The following TBL1XR1 variants were observed in gnomAD, a reference collection of about 807,000 sequenced individuals.
TBL1XR1 encodes the protein TBL1X/Y related 1.
Under a neutral mutation model 66.9 loss-of-function variants are expected in TBL1XR1, and 5 were observed. The ratio of observed to expected loss-of-function variants is 0.07; its 90% CI spans 0.04 to 0.16. TBL1XR1 has a LOEUF of 0.16. Ranked by LOEUF, TBL1XR1 falls within the 10% of genes least tolerant of loss-of-function variation. The pLI, the probability that TBL1XR1 is intolerant of heterozygous loss-of-function variation, is 1.00. For missense variants in TBL1XR1, 238 were observed against 623.2 expected (o/e 0.38, Z 6.58); for synonymous variants, 210 against 206.0 (o/e 1.02, Z -0.17).
At chr3:177,106,540 C>T (rs1175676369) in intron 1 of TBL1XR1, among the ~76,000 whole-genome samples, 7 of 152,198 alleles carry the variant, frequency 4.6e-5, no homozygotes, top group African/African-American at 1.7e-4. Context: ...TGGAGCCACA[C>T]AGGTGGGTTT....
chr3:177,186,554 T>C (rs546935945), intron 1 of TBL1XR1, among the ~76,000 whole-genome samples: 3 of 152,260 alleles, frequency 2.0e-5, no homozygotes, highest in Admixed American at 6.5e-5. Context: ...TCTTCCCAAT[T>C]AGCCTGTTGA....
intron 2 of TBL1XR1, among the ~76,000 whole-genome samples, chr3:177,090,323 T>C (rs1722664727): frequency 6.6e-6 from 1 of 152,094 alleles, no homozygotes; most frequent in Non-Finnish European, 1.5e-5. Context: ...ATGTTTCCTA[T>C]GATTATAAAA....
chr3:177,026,009 T>TA, intron 15 of TBL1XR1: 1 of 292,750 alleles, frequency 3.4e-6, no homozygotes, highest in South Asian at 4.4e-5. Flanking sequence ...CAACTGCCTC[T>TA]AGTTCTGCCT....
rs187732329 is a variant in TBL1XR1 at position 177,176,233 on chromosome 3, C to T, written c.-122+20888G>A. 8.6e-4 allele frequency among the ~76,000 whole-genome samples: 131 copies of T among 151,908 alleles called. 1 individual carries two copies. Among genetic ancestry groups the T allele is most frequent in the Admixed American group, 4.3e-3 (66 of 15,266 alleles). ...TTTTTGAGATGGAGTCTGGCTCTGT[C>T]GCCCAGGCTGGAATGCAGTGGTGCG... On this transcript the variant is annotated intron_variant, in intron 1 of 15. Transcript: ENST00000457928.
At chr3:177,141,165 G>A (rs1387280145) in intron 1 of TBL1XR1, among the ~76,000 whole-genome samples, 1 of 152,188 alleles carries the variant, frequency 6.6e-6, no homozygotes, top group Non-Finnish European at 1.5e-5. Context: ...AATAAAGCAA[G>A]CAAGAAATAA....
chr3:177,055,779 A>G (rs1717731546), intron 3 of TBL1XR1, among the ~76,000 whole-genome samples: 1 of 152,204 alleles, frequency 6.6e-6, no homozygotes. Context: ...ATAAATTCAC[A>G]GTAAATCATC....
chr3:177,197,364 G>A lies in TBL1XR1; in HGVS notation c.-365C>T, dbSNP rs1369085385. ...GAGGTGCTCCCGCCGCGGGGGGAGGGGCGGGGGCGCACGCGGCCGGCGGCG... is the reference window on the plus strand; with the variant it reads ...GAGGTGCTCCCGCCGCGGGGGGAGGAGCGGGGGCGCACGCGGCCGGCGGCG... On this transcript the variant is annotated 5_prime_UTR_variant, in exon 1 of 16. Transcript: ENST00000457928. The A allele has an allele frequency of 6.8e-6, 1 of 147,030 alleles. No homozygotes were observed. Among genetic ancestry groups the A allele is most frequent in the Non-Finnish European group, 1.5e-5 (1 of 65,954 alleles). 9.1% of individuals were successfully genotyped at this position (147,030 alleles called of 1,614,324 possible).
At position 177,025,473 on chromosome 3, in the gene TBL1XR1, G is replaced by A. The variant is rs1712974900; in HGVS notation, c.*25C>T. On this transcript the variant is annotated 3_prime_UTR_variant, in exon 16 of 16. Coordinates refer to ENST00000457928, the MANE Select transcript of TBL1XR1 (RefSeq NM_024665.7). The stretch of plus-strand genomic sequence containing the variant: ...TTTGGCTATGTACACATTCATAGTC[G>A]GTCCATGGCTTCCAACTAGTAGCGC... 9 of 1,611,446 alleles carry A rather than the reference G, an allele frequency of 5.6e-6. No individual in the cohort carries two copies. The highest frequency in any genetic ancestry group is 6.8e-6 in the Non-Finnish European group (8 of 1,179,214).
At chr3:177,197,821 C>T (rs1737107726), upstream of TBL1XR1, among the ~76,000 whole-genome samples, 1 of 147,254 alleles carries the variant, frequency 6.8e-6, no homozygotes, top group East Asian at 2.0e-4. Flanking sequence ...CGCGGGCACT[C>T]GAAGGCGCCT....
upstream of TBL1XR1, among the ~76,000 whole-genome samples, chr3:177,198,609 G>C (rs568710141): frequency 1.3e-5 from 2 of 152,210 alleles, no homozygotes; most frequent in African/African-American, 4.8e-5. Flanking sequence ...CTTTCAGAAA[G>C]ATGGGGTAGG....
intron 1 of TBL1XR1, among the ~76,000 whole-genome samples, chr3:177,176,180 T>C (rs578179213): frequency 9.4e-4 from 143 of 152,088 alleles, no homozygotes; most frequent in African/African-American, 3.3e-3. Flanking sequence ...GTTCAGAATA[T>C]GTAACTTGTT....
chr3:177,150,526 C>CT (rs1730760712), intron 1 of TBL1XR1, among the ~76,000 whole-genome samples: 1 of 152,204 alleles, frequency 6.6e-6, no homozygotes, highest in Admixed American at 6.5e-5. Context: ...CAACTACAGA[C>CT]TGAGTTACCT....
chr3:177,125,176 AATC>A (rs1322405702), intron 1 of TBL1XR1, among the ~76,000 whole-genome samples: 1 of 152,200 alleles, frequency 6.6e-6, no homozygotes, highest in African/African-American at 2.4e-5. Context: ...CACAGATATG[AATC>A]ATAACATTTG....
At position 177,172,645 on chromosome 3, in the gene TBL1XR1, GAGAA is replaced by G. The variant is rs1404845967; in HGVS notation, c.-122+24472_-122+24475del. On this transcript the variant is annotated intron_variant, in intron 1 of 15. Coordinates refer to ENST00000457928, the MANE Select transcript of TBL1XR1 (RefSeq NM_024665.7). ...TCAAGAAAGAGAGAAGAGAGAGAGA[GAGAA>G]AGAGAGAGAGAGAGAAGGGAGGGGA... 6.2e-4 allele frequency among the ~76,000 whole-genome samples: 77 copies of G among 123,942 alleles called. 1 individual carries two copies. Among genetic ancestry groups the G allele is most frequent in the Admixed American group, 2.6e-3 (27 of 10,484 alleles). 81.3% of individuals were successfully genotyped at this position (123,942 alleles called of 152,430 possible).
chr3:177,089,363 A>G (rs147865647), intron 2 of TBL1XR1, among the ~76,000 whole-genome samples: 23 of 152,252 alleles, frequency 1.5e-4, no homozygotes, highest in Non-Finnish European at 2.9e-4. Context: ...CCCTCCGCAA[A>G]GCCTAACTGC....
At chr3:177,061,646 T>C (rs777382815) in intron 3 of TBL1XR1, among the ~76,000 whole-genome samples, 1 of 152,222 alleles carries the variant, frequency 6.6e-6, no homozygotes, top group Non-Finnish European at 1.5e-5. Flanking sequence ...TTCAGTGCTC[T>C]ATTGCAGGGA....
At position 177,020,751 on chromosome 3, in the gene TBL1XR1, A is replaced by G. The variant is rs1448392232; in HGVS notation, c.*4747T>C. 1 of 152,200 alleles carries G rather than the reference A, an allele frequency of 6.6e-6. No homozygotes were observed. The highest frequency in any genetic ancestry group is 1.5e-5 in the Non-Finnish European group (1 of 68,030). 9.4% of individuals were successfully genotyped at this position (152,200 alleles called of 1,614,324 possible). A position where few individuals can be genotyped will look rare whatever the true frequency, so the allele number is the denominator to read the frequency against. On this transcript the variant is annotated 3_prime_UTR_variant, in exon 16 of 16. Transcript: ENST00000457928. ...AAGGTTTTATATATGTACACAGCCAACATAATATCAAAATATATTTTATTC... is the reference window on the plus strand; with the variant it reads ...AAGGTTTTATATATGTACACAGCCAGCATAATATCAAAATATATTTTATTC...
At chr3:177,142,914 CA>C (rs1188536388) in intron 1 of TBL1XR1, among the ~76,000 whole-genome samples, 3 of 151,258 alleles carry the variant, frequency 2.0e-5, no homozygotes, top group Non-Finnish European at 2.9e-5. Context: ...CACCTGAAGA[CA>C]AAAAAAAGAC....
At chr3:177,098,745 G>A (rs1156920914) in intron 1 of TBL1XR1, among the ~76,000 whole-genome samples, 1 of 152,088 alleles carries the variant, frequency 6.6e-6, no homozygotes, top group Non-Finnish European at 1.5e-5. Context: ...ACGTTCATAA[G>A]AGGTTGGCAC....
Sources: allele counts gnomAD v4.1 joint callset (sites outside exome capture counted in the v4.1 genomes callset), GRCh38; gene constraint gnomAD v4.1.1; transcripts MANE v1.5; gene names NCBI Gene and HGNC (gene_info 2026-07-23, HGNC 2026-07-21).